The following CSGALNACT1 variants were observed in gnomAD, a reference collection of about 807,000 sequenced individuals.
The protein encoded by CSGALNACT1 is chondroitin sulfate N-acetylgalactosaminyltransferase 1.
In CSGALNACT1, 52 loss-of-function variants were observed where a neutral mutation model predicts 51.0. That is an observed-to-expected ratio of 1.02 (90% CI 0.82 to 1.29). The LOEUF (loss-of-function observed/expected upper bound fraction) is 1.29, where lower values mean the gene tolerates loss of function less well. CSGALNACT1 is among the 50% of genes most tolerant of loss of function. The pLI is 0.00. For synonymous variants in CSGALNACT1, 341 were observed against 254.4 expected (o/e 1.34, Z -3.24); for missense variants, 935 against 679.2 (o/e 1.38, Z -4.19).
At chr8:19,537,768 T>A (rs1464521992) in intron 3 of CSGALNACT1, among the ~76,000 whole-genome samples, 1 of 152,166 alleles carries the variant, frequency 6.6e-6, no homozygotes, top group East Asian at 1.9e-4. Context: ...CAGAGTTAAA[T>A]GTAAGAGATT....
Position 19,757,034 on chromosome 8 carries a change from G to A in CSGALNACT1, c.-297+816C>T, listed in dbSNP as rs571458390. On this transcript the variant is annotated intron_variant, in intron 1 of 1. Transcript: ENST00000517494. This position sits in a 1 kb window ranked among gnomAD's most constrained non-coding sequence, Gnocchi z 4.0. ...GCAGCGGCGGAGGGAGGCCAGGCGCGGCACCGTCCTCCGCAGCTGCACGAG... is the reference window on the plus strand; with the variant it reads ...GCAGCGGCGGAGGGAGGCCAGGCGCAGCACCGTCCTCCGCAGCTGCACGAG... Among the ~76,000 whole-genome samples, 3 of 150,800 alleles carry A rather than the reference G, an allele frequency of 2.0e-5. No individual in the cohort carries two copies. The highest frequency in any genetic ancestry group is 2.0e-4 in the Admixed American group (3 of 15,168).
intron 3 of CSGALNACT1, among the ~76,000 whole-genome samples, chr8:19,546,807 A>G (rs2086585818): frequency 6.6e-6 from 1 of 152,238 alleles, no homozygotes; most frequent in South Asian, 2.1e-4. Context: ...GCTCCTCTTT[A>G]CAGAGTTTGA....
chr8:19,478,234 G>A (rs918119400), intron 4 of CSGALNACT1, among the ~76,000 whole-genome samples: 8 of 151,964 alleles, frequency 5.3e-5, no homozygotes, highest in African/African-American at 9.7e-5. Context: ...CTAACATGGT[G>A]AAACCCCGTC....
At chr8:19,452,832 A>C (rs1340553486) in intron 5 of CSGALNACT1, among the ~76,000 whole-genome samples, 2 of 152,186 alleles carry the variant, frequency 1.3e-5, no homozygotes, top group Non-Finnish European at 2.9e-5. Context: ...CCCAGGGCTC[A>C]GAAGAGCCAC....
intron 1 of CSGALNACT1, among the ~76,000 whole-genome samples, chr8:19,718,967 A>G (rs1041490875): frequency 6.6e-6 from 1 of 152,224 alleles, no homozygotes; most frequent in African/African-American, 2.4e-5. Flanking sequence ...CGTTGTAAAG[A>G]GTTAAGCTTC....
intron 1 of CSGALNACT1, among the ~76,000 whole-genome samples, chr8:19,646,149 A>T (rs1281154262): frequency 2.0e-5 from 3 of 152,220 alleles, no homozygotes; most frequent in Non-Finnish European, 2.9e-5. Flanking sequence ...ATTAATGAAG[A>T]CAAAAATCGA....
At chr8:19,501,956 A>T (rs1394360199) in intron 4 of CSGALNACT1, among the ~76,000 whole-genome samples, 1 of 152,246 alleles carries the variant, frequency 6.6e-6, no homozygotes, top group Non-Finnish European at 1.5e-5. Context: ...ATCAGTGCCA[A>T]TGGAACATCT....
chr8:19,606,341 G>T (rs375704247), upstream of CSGALNACT1, among the ~76,000 whole-genome samples: 239 of 152,286 alleles, frequency 1.6e-3, no homozygotes, highest in African/African-American at 4.8e-3. Flanking sequence ...GGCACTGGAG[G>T]ATAGAGCAGG....
chr8:19,534,953 G>A (rs2083457327), intron 3 of CSGALNACT1, among the ~76,000 whole-genome samples: 1 of 152,084 alleles, frequency 6.6e-6, no homozygotes, highest in Admixed American at 6.6e-5. Flanking sequence ...TCAAATCCCT[G>A]ACCACTGCCG....
At chr8:19,492,885 T>A (rs966054731) in intron 4 of CSGALNACT1, among the ~76,000 whole-genome samples, 1 of 152,184 alleles carries the variant, frequency 6.6e-6, no homozygotes, top group African/African-American at 2.4e-5. Flanking sequence ...TAAACTAATC[T>A]TATGGTAAAA....
chr8:19,513,440 A>C (rs201479979), intron 3 of CSGALNACT1, among the ~76,000 whole-genome samples: 23,881 of 72,320 alleles, frequency 0.33, 2,712 homozygotes, highest in South Asian at 0.36. Context: ...CTCTCTCTAT[A>C]TATATATATA....
chr8:19,433,988 C>T (rs1366248071), intron 6 of CSGALNACT1, among the ~76,000 whole-genome samples: 1 of 152,108 alleles, frequency 6.6e-6, no homozygotes, highest in Non-Finnish European at 1.5e-5. Flanking sequence ...TCCAGCTTAC[C>T]AGAGAGCTGG....
chr8:19,680,334 T>A (rs1361282570), intron 1 of CSGALNACT1, among the ~76,000 whole-genome samples: 1 of 152,190 alleles, frequency 6.6e-6, no homozygotes, highest in Admixed American at 6.5e-5. Flanking sequence ...GGCAGGTGGA[T>A]CACCTGAGGT....
At chr8:19,604,914 C>CAAA (rs576342135), upstream of CSGALNACT1, among the ~76,000 whole-genome samples, 3 of 64,442 alleles carry the variant, frequency 4.7e-5, no homozygotes, top group East Asian at 4.6e-4. Context: ...GACTCTGTCT[C>CAAA]AAAAAAAAAA....
chr8:19,482,334 G>A (rs1281846102), intron 4 of CSGALNACT1, among the ~76,000 whole-genome samples: 1 of 152,188 alleles, frequency 6.6e-6, no homozygotes, highest in Non-Finnish European at 1.5e-5. Context: ...GAGCAGCACT[G>A]TGCTGGACAG....
chr8:19,533,821 T>C (rs955336726), intron 3 of CSGALNACT1, among the ~76,000 whole-genome samples: 7 of 152,164 alleles, frequency 4.6e-5, no homozygotes, highest in Non-Finnish European at 7.3e-5. Flanking sequence ...CCAAAACATA[T>C]GCAGTCTAAT....
chr8:19,684,956 C>T (rs1263716088), upstream of CSGALNACT1, among the ~76,000 whole-genome samples: 3 of 152,142 alleles, frequency 2.0e-5, no homozygotes, highest in African/African-American at 7.2e-5. Flanking sequence ...ATCCCTGTTC[C>T]CACACTTTCT....
chr8:19,531,459 T>C lies in CSGALNACT1; in HGVS notation c.-296-25329A>G, dbSNP rs182107227. ...GGAGCCACAGCTTTGAGTGGATCACTTCATTTATTTAAGTTCCCTTATTTA... is the reference window on the plus strand; with the variant it reads ...GGAGCCACAGCTTTGAGTGGATCACCTCATTTATTTAAGTTCCCTTATTTA... On this transcript the variant is annotated intron_variant, in intron 3 of 9. Transcript: ENST00000454498. Among the ~76,000 whole-genome samples the C allele has an allele frequency of 2.0e-3, 309 of 152,292 alleles. 1 individual carries two copies. Among genetic ancestry groups the C allele is most frequent in the African/African-American group, 7.1e-3 (296 of 41,546 alleles).
intron 1 of CSGALNACT1, among the ~76,000 whole-genome samples, chr8:19,623,552 TA>T (rs2054088279): frequency 1.3e-5 from 2 of 152,148 alleles, no homozygotes; most frequent in Non-Finnish European, 2.9e-5. Flanking sequence ...TTTTCAAGAG[TA>T]AATAGAATGT....
Sources: gnomAD v4.1 joint callset for allele counts (sites outside exome capture counted in the v4.1 genomes callset) on GRCh38, gnomAD v4.1.1 for gene constraint, Gnocchi (gnomAD v3.1) non-coding constraint, MANE v1.5 for transcripts, NCBI Gene and HGNC (gene_info 2026-07-23, HGNC 2026-07-21) for gene names.